CHD6: variants seen among roughly 807,000 people sequenced by gnomAD.
The protein encoded by CHD6 is chromodomain helicase DNA binding protein 6, also known as ATP-dependent chromatin remodeler CHD6.
CHD6 carries 50 observed loss-of-function variants against 276.9 expected under a neutral mutation model. The observed-to-expected ratio is 0.18, with a 90% CI of 0.14 to 0.23. CHD6 has a LOEUF of 0.23. CHD6 is among the 10% of genes least tolerant of loss of function. The pLI, the probability that CHD6 is intolerant of heterozygous loss-of-function variation, is 1.00. For synonymous variants in CHD6, 1,173 were observed against 1,229.3 expected, an observed-to-expected ratio of 0.95 and a Z score of 0.96; for missense variants, 2,564 against 3,365.8, an observed-to-expected ratio of 0.76 and a Z score of 5.89.
At chr20:41,610,577 T>C (rs1332798105) in intron 1 of CHD6, among the ~76,000 whole-genome samples, 2 of 151,962 alleles carry the variant, frequency 1.3e-5, no homozygotes, top group Non-Finnish European at 2.9e-5. Context: ...CTGGCTAACA[T>C]GGTGAAACCC....
At chr20:41,451,626 G>T (rs1569092803) in intron 22 of CHD6, among the ~76,000 whole-genome samples, 200 bp downstream of exon 22, 1 of 152,220 alleles carries the variant, frequency 6.6e-6, no homozygotes, top group Non-Finnish European at 1.5e-5. Flanking sequence ...GGGTCCAGTT[G>T]TACTTCAACA....
At chr20:41,414,707 C>A in intron 34 of CHD6, 1 of 434,940 alleles carries the variant, frequency 2.3e-6, no homozygotes. Context: ...GCTGTTGCCC[C>A]ACTTTACACA....
chr20:41,449,977 T>C (rs919915227), intron 23 of CHD6, among the ~76,000 whole-genome samples: 5 of 152,214 alleles, frequency 3.3e-5, no homozygotes, highest in African/African-American at 4.8e-5. Flanking sequence ...GTACTAATAA[T>C]AACAACACTT....
intron 31 of CHD6, among the ~76,000 whole-genome samples, chr20:41,418,375 C>CGGG (rs1366721016): frequency 6.6e-6 from 1 of 152,024 alleles, no homozygotes. Flanking sequence ...GAGGAGGGAG[C>CGGG]TCCCATGAAG....
intron 1 of CHD6, among the ~76,000 whole-genome samples, chr20:41,571,792 A>G (rs1343660861): frequency 2.0e-5 from 3 of 152,098 alleles, no homozygotes. Context: ...ATCAGGTTAC[A>G]CCATATTTTA....
chr20:41,462,131 T>G (rs547921829), intron 17 of CHD6, among the ~76,000 whole-genome samples: 3 of 152,288 alleles, frequency 2.0e-5, no homozygotes, highest in African/African-American at 7.2e-5. Flanking sequence ...TTTGTGTGTG[T>G]AGAGTGTATA....
At chr20:41,472,343 C>T (rs2043074547) in intron 17 of CHD6, among the ~76,000 whole-genome samples, 1 of 152,142 alleles carries the variant, frequency 6.6e-6, no homozygotes, top group South Asian at 2.1e-4. Flanking sequence ...GCCCTCTTCC[C>T]TGCATCCCTT....
intron 1 of CHD6, among the ~76,000 whole-genome samples, chr20:41,588,303 T>C (rs1713147934): frequency 6.6e-6 from 1 of 152,184 alleles, no homozygotes; most frequent in South Asian, 2.1e-4. Flanking sequence ...GGCATCTGAG[T>C]TGCGCTGGCA....
At chr20:41,571,047 C>A (rs1025444976) in intron 1 of CHD6, among the ~76,000 whole-genome samples, 1 of 152,010 alleles carries the variant, frequency 6.6e-6, no homozygotes, top group African/African-American at 2.4e-5. Flanking sequence ...CCACCAGTTC[C>A]CAAACAAGTC....
At chr20:41,580,272 T>C (rs113374041) in intron 1 of CHD6, among the ~76,000 whole-genome samples, 1 of 152,092 alleles carries the variant, frequency 6.6e-6, no homozygotes, top group African/African-American at 2.4e-5. Flanking sequence ...GTAAAGAAAA[T>C]AGTGAATCCA....
At position 41,574,339 on chromosome 20, in the gene CHD6, T is replaced by C. The variant is rs1246261527; in HGVS notation, c.-23-22979A>G. ...ATGCCAGCATGGGTCCTACCTATAC[T>C]TGGAGATAATGAAATCATCCCCTAG... is the stretch of plus-strand genomic sequence containing the variant. On this transcript the variant is annotated intron_variant, in intron 1 of 36. Coordinates refer to ENST00000373233, the MANE Select transcript of CHD6 (RefSeq NM_032221.5). Among the ~76,000 whole-genome samples, 5 of 152,206 alleles carry C rather than the reference T, an allele frequency of 3.3e-5. 1 individual carries two copies.
chr20:41,510,730 G>C (rs185021619), intron 5 of CHD6, among the ~76,000 whole-genome samples: 423 of 152,256 alleles, frequency 2.8e-3, no homozygotes, highest in Middle Eastern at 0.01. Context: ...TATGATTAAT[G>C]GCTTAGGCCA....
chr20:41,520,585 C>T (rs1329842441), intron 3 of CHD6, among the ~76,000 whole-genome samples: 1 of 151,032 alleles, frequency 6.6e-6, no homozygotes, highest in African/African-American at 2.4e-5. Context: ...AAACCAAACA[C>T]CGCATGTTCT....
In CHD6 at chr20:41,417,172, G is replaced by A. The variant is rs547355802; in HGVS notation, c.6279+26C>T. On this transcript the variant is annotated intron_variant, in intron 32 of 36. Transcript: ENST00000373233. Reference sequence around the variant, plus strand: ...AAAGCTGGGAATGGTTTGGGGGTAGGGTGGGAAACGCAAGCTCTGGGGTAC... The same window carrying A: ...AAAGCTGGGAATGGTTTGGGGGTAGAGTGGGAAACGCAAGCTCTGGGGTAC... 9 of 1,596,978 alleles carry A rather than the reference G, an allele frequency of 5.6e-6. No individual in the cohort carries two copies. The African/African-American group carries it at 1.2e-4, about 21-fold the overall frequency.
intron 14 of CHD6, 56 bp downstream of exon 14, chr20:41,487,609 T>C: frequency 6.5e-7 from 1 of 1,533,184 alleles, no homozygotes; most frequent in South Asian, 1.3e-5. Flanking sequence ...TCCTGCTCTT[T>C]TCTTGATGAA....
chr20:41,489,655 A>G (rs541973725), intron 12 of CHD6, 123 bp downstream of exon 12: 3 of 1,278,770 alleles, frequency 2.3e-6, no homozygotes, highest in African/African-American at 1.5e-5. Flanking sequence ...CTTGACAAAC[A>G]TATTACAAAG....
intron 1 of CHD6, among the ~76,000 whole-genome samples, chr20:41,613,046 A>G (rs1022584497): frequency 2.0e-5 from 3 of 152,284 alleles, no homozygotes; most frequent in African/African-American, 7.2e-5. Context: ...GAACTTTAAT[A>G]TAAAATCCTT....
intron 8 of CHD6, 128 bp from the exon 9 acceptor site, chr20:41,494,072 T>G (rs2043619707): frequency 1.5e-6 from 1 of 645,162 alleles, no homozygotes; most frequent in Admixed American, 2.9e-5. Flanking sequence ...AGGGTTTGCT[T>G]AAGAATAAAA....
intron 31 of CHD6, 61 bp from the exon 32 acceptor site, chr20:41,417,410 TGA>T (rs2047035984): frequency 2.1e-6 from 3 of 1,433,882 alleles, no homozygotes; most frequent in Non-Finnish European, 9.5e-7. Flanking sequence ...ACTAGTGATC[TGA>T]GAGATTAGGA....
Sources: gnomAD v4.1 joint callset for allele counts (sites outside exome capture counted in the v4.1 genomes callset) on GRCh38, gnomAD v4.1.1 for gene constraint, MANE v1.5 for transcripts, NCBI Gene and HGNC (gene_info 2026-07-23, HGNC 2026-07-21) for gene names.